Variants in AKAP19 observed in about 807,000 individuals in gnomAD.
AKAP19 encodes small A-kinase anchoring protein.
At chr2:190,154,557 T>C in the AKAP19 span, among the ~76,000 whole-genome samples, 11 of 152,386 alleles carry the variant, frequency 7.2e-5, no homozygotes, top group African/African-American at 2.6e-4. Context: ...ATTTACTGAT[T>C]AAAATCACTG....
chr2:189,961,428 G>A, the AKAP19 span, among the ~76,000 whole-genome samples: 3 of 152,082 alleles, frequency 2.0e-5, no homozygotes, highest in African/African-American at 7.2e-5. Flanking sequence ...AAATAAGACT[G>A]CCTTTACCAT....
At chr2:190,166,577 C>G in the AKAP19 span, among the ~76,000 whole-genome samples, 1 of 151,824 alleles carries the variant, frequency 6.6e-6, no homozygotes, top group Admixed American at 6.6e-5. Context: ...GAATTACAAC[C>G]AAGTTTGGTT....
the AKAP19 span, among the ~76,000 whole-genome samples, chr2:190,092,605 A>T: frequency 6.6e-6 from 1 of 152,172 alleles, no homozygotes; most frequent in Admixed American, 6.5e-5. Flanking sequence ...ACCTCAGAAC[A>T]ATATGTATAT....
the AKAP19 span, among the ~76,000 whole-genome samples, chr2:190,078,197 T>G: frequency 5.3e-5 from 8 of 152,188 alleles, no homozygotes; most frequent in Non-Finnish European, 1.0e-4. Context: ...CTTAGTTTTG[T>G]CCTCCCTGTA....
chr2:190,189,382 T>G, the AKAP19 span, among the ~76,000 whole-genome samples: 2 of 152,192 alleles, frequency 1.3e-5, no homozygotes, highest in Non-Finnish European at 2.9e-5. Context: ...CCATGTGAAC[T>G]CTGGGTCAGC....
At chr2:190,078,636 C>G in the AKAP19 span, among the ~76,000 whole-genome samples, 2 of 152,096 alleles carry the variant, frequency 1.3e-5, no homozygotes, top group Admixed American at 1.3e-4. Context: ...TACCATTTCT[C>G]ATTCAAAATC....
chr2:190,130,016 G>A, the AKAP19 span, among the ~76,000 whole-genome samples: 2 of 151,920 alleles, frequency 1.3e-5, no homozygotes, highest in Non-Finnish European at 2.9e-5. Flanking sequence ...CTGGATTTGG[G>A]GCCTGAAGAT....
At chr2:190,114,600 C>T in the AKAP19 span, among the ~76,000 whole-genome samples, 3 of 152,118 alleles carry the variant, frequency 2.0e-5, no homozygotes, top group Non-Finnish European at 4.4e-5. Flanking sequence ...GGACTACAGG[C>T]ACCCGCCACC....
At chr2:190,191,290 G>A in the AKAP19 span, among the ~76,000 whole-genome samples, 2,896 of 152,088 alleles carry the variant, frequency 0.019, 80 homozygotes, top group African/African-American at 0.065. Context: ...CTACAGGTGT[G>A]CACCACTATG....
chr2:189,974,905 G>A, the AKAP19 span, among the ~76,000 whole-genome samples: 16 of 152,282 alleles, frequency 1.1e-4, no homozygotes, highest in South Asian at 6.2e-4. Flanking sequence ...CCTGAATACA[G>A]CACACTGATG....
the AKAP19 span, among the ~76,000 whole-genome samples, chr2:190,147,914 C>G: frequency 6.6e-5 from 10 of 151,968 alleles, no homozygotes; most frequent in Non-Finnish European, 4.4e-5. Flanking sequence ...TGGAGGAGTC[C>G]TTAGGGTTTT....
the AKAP19 span, among the ~76,000 whole-genome samples, chr2:190,048,414 C>G: frequency 2.6e-5 from 4 of 152,024 alleles, no homozygotes; most frequent in African/African-American, 9.7e-5. Flanking sequence ...TAACTCATAC[C>G]CTATAGTTTA....
chr2:189,895,963 C>T, the AKAP19 span, among the ~76,000 whole-genome samples: 2 of 146,694 alleles, frequency 1.4e-5, no homozygotes, highest in Admixed American at 1.4e-4. Flanking sequence ...GAGCCAAGAT[C>T]GTGCCACTGC....
At chr2:190,048,867 T>C in the AKAP19 span, among the ~76,000 whole-genome samples, 15 of 152,302 alleles carry the variant, frequency 9.8e-5, no homozygotes, top group African/African-American at 3.4e-4. Flanking sequence ...GAAAAATAAA[T>C]TGGATTCTTC....
the AKAP19 span, among the ~76,000 whole-genome samples, chr2:190,064,919 A>G: frequency 6.6e-6 from 1 of 152,174 alleles, no homozygotes; most frequent in Non-Finnish European, 1.5e-5. Context: ...CTGTATTCAC[A>G]AATTTGCCTA....
the AKAP19 span, among the ~76,000 whole-genome samples, chr2:189,950,033 T>TTTTTTC: frequency 7.0e-6 from 1 of 142,098 alleles, no homozygotes; most frequent in Non-Finnish European, 1.5e-5. Context: ...TTTGGGTTTT[T>TTTTTTC]TTTTTTTTTT....
chr2:190,147,434 T>TGA, the AKAP19 span, among the ~76,000 whole-genome samples: 1 of 152,238 alleles, frequency 6.6e-6, no homozygotes, highest in South Asian at 2.1e-4. Flanking sequence ...TCAGGTAGTG[T>TGA]GATGCCTCAT....
chr2:189,911,416 A>G, the AKAP19 span, among the ~76,000 whole-genome samples: 2 of 152,110 alleles, frequency 1.3e-5, no homozygotes, highest in African/African-American at 4.8e-5. Flanking sequence ...TTACTTTCCT[A>G]AAATTTTTCA....
chr2:190,032,035 T>C, the AKAP19 span, among the ~76,000 whole-genome samples: 1 of 152,328 alleles, frequency 6.6e-6, no homozygotes, highest in Admixed American at 6.5e-5. Flanking sequence ...GTCCTACTCT[T>C]ATGGATGATT....
Sources: allele counts gnomAD v4.1 joint callset (sites outside exome capture counted in the v4.1 genomes callset), GRCh38; gene constraint gnomAD v4.1.1; transcripts MANE v1.5; gene names NCBI Gene and HGNC (gene_info 2026-07-23, HGNC 2026-07-21).